PDE1A: variants seen among roughly 807,000 people sequenced by gnomAD.
PDE1A encodes the protein dual specificity calcium/calmodulin-dependent 3',5'-cyclic nucleotide phosphodiesterase 1A.
PDE1A carries 35 observed loss-of-function variants against 61.7 expected under a neutral mutation model. The ratio of observed to expected loss-of-function variants is 0.57; its 90% CI spans 0.43 to 0.75. The LOEUF is 0.75. PDE1A is among the 30% of genes least tolerant of loss of function. The probability of loss-of-function intolerance (pLI) is 0.00; values close to 1 mark genes in which losing one functional copy is unlikely to be tolerated. For synonymous variants in PDE1A, 232 were observed against 213.2 expected, an observed-to-expected ratio of 1.09 and a Z score of -0.77; for missense variants, 597 against 630.6, an observed-to-expected ratio of 0.95 and a Z score of 0.57.
At chr2:182,699,756 T>C in the PDE1A span, among the ~76,000 whole-genome samples, 1 of 152,244 alleles carries the variant, frequency 6.6e-6, no homozygotes, top group Non-Finnish European at 1.5e-5. Context: ...ATTTGTTGAA[T>C]GCTTACTGTG....
the PDE1A span, among the ~76,000 whole-genome samples, chr2:182,644,291 G>GTGTGTGTGTC: frequency 6.7e-6 from 1 of 148,856 alleles, no homozygotes. Flanking sequence ...GTGTGTGTGT[G>GTGTGTGTGTC]TGTGTGTGTC....
upstream of PDE1A, among the ~76,000 whole-genome samples, chr2:182,428,482 T>C (rs1024022225): frequency 5.3e-5 from 8 of 152,106 alleles, no homozygotes; most frequent in African/African-American, 1.9e-4. Context: ...AGATATTACA[T>C]AGTTATGTAG....
intron 2 of PDE1A, among the ~76,000 whole-genome samples, chr2:182,463,009 G>C (rs1686408333): frequency 6.6e-6 from 1 of 152,120 alleles, no homozygotes; most frequent in Non-Finnish European, 1.5e-5. Flanking sequence ...GGGAGGCCAA[G>C]GCAGGAGGAT....
chr2:182,295,085 T>TTTTTTTTTTTTTTTAA (rs1574276882), intron 1 of PDE1A, among the ~76,000 whole-genome samples: 1 of 134,432 alleles, frequency 7.4e-6, no homozygotes, highest in Non-Finnish European at 1.6e-5. Context: ...TTTTTTTTTT[T>TTTTTTTTTTTTTTTAA]GAGATGGAGT....
intron 13 of PDE1A, among the ~76,000 whole-genome samples, chr2:182,149,678 T>TA (rs1377169800): frequency 1.3e-5 from 2 of 152,136 alleles, no homozygotes; most frequent in South Asian, 2.1e-4. Flanking sequence ...TAGTACTTCA[T>TA]AAAAAAAGAA....
intron 13 of PDE1A, among the ~76,000 whole-genome samples, chr2:182,171,358 C>T (rs1356693942): frequency 2.6e-5 from 4 of 151,972 alleles, no homozygotes; most frequent in East Asian, 3.9e-4. Flanking sequence ...ATGTATGGTA[C>T]GTGATTTTTG....
At chr2:182,366,391 G>A (rs933454226) in intron 1 of PDE1A, among the ~76,000 whole-genome samples, 16 of 152,004 alleles carry the variant, frequency 1.1e-4, no homozygotes, top group African/African-American at 3.9e-4. Context: ...TGTTAGAGCT[G>A]GATCAAAAAT....
chr2:182,275,296 G>A (rs1693326138), intron 1 of PDE1A, among the ~76,000 whole-genome samples: 1 of 152,056 alleles, frequency 6.6e-6, no homozygotes, highest in Admixed American at 6.6e-5. Flanking sequence ...CAGAGAGGGA[G>A]AGGAATGCCC....
chr2:182,151,402 GC>G (rs1426889799), intron 13 of PDE1A, among the ~76,000 whole-genome samples: 2 of 152,050 alleles, frequency 1.3e-5, no homozygotes, highest in African/African-American at 4.8e-5. Flanking sequence ...ACCACGCCCT[GC>G]CCCCCTCACA....
At chr2:182,158,844 C>T (rs578115814) in intron 13 of PDE1A, among the ~76,000 whole-genome samples, 1 of 152,272 alleles carries the variant, frequency 6.6e-6, no homozygotes, top group African/African-American at 2.4e-5. Flanking sequence ...CTTTTCCTTT[C>T]CTTTTCACTT....
At chr2:182,474,883 G>A (rs1687255667) in intron 2 of PDE1A, among the ~76,000 whole-genome samples, 1 of 151,720 alleles carries the variant, frequency 6.6e-6, no homozygotes, top group Admixed American at 6.6e-5. Flanking sequence ...TAGAAAACTG[G>A]GCTAAGACAT....
the PDE1A span, among the ~76,000 whole-genome samples, chr2:182,587,210 A>T: frequency 1.3e-5 from 2 of 152,114 alleles, no homozygotes; most frequent in Non-Finnish European, 2.9e-5. Context: ...CATATTAAGG[A>T]GTTTGACTTT....
intron 2 of PDE1A, among the ~76,000 whole-genome samples, chr2:182,512,556 C>G (rs939918165): frequency 1.3e-5 from 2 of 152,168 alleles, no homozygotes; most frequent in African/African-American, 2.4e-5. Flanking sequence ...TCTTTTACCT[C>G]CAAATGACCA....
intron 1 of PDE1A, among the ~76,000 whole-genome samples, chr2:182,410,401 C>T (rs904788552): frequency 7.9e-5 from 12 of 151,950 alleles, no homozygotes; most frequent in African/African-American, 2.7e-4. Context: ...AGAAAATGTA[C>T]CTACAGTTTG....
rs113944899 is a variant in PDE1A at position 182,465,068 on chromosome 2, C to T, written c.101+57208G>A. On this transcript the variant is annotated intron_variant, in intron 2 of 14. Coordinates refer to the PDE1A transcript ENST00000410103. ...CTCTATTTTGTTAATTTGACATTGC[C>T]TCAGTTTTTTTAATTTGACTTAATC... is the stretch of plus-strand genomic sequence containing the variant. Among the ~76,000 whole-genome samples the T allele has an allele frequency of 3.5e-3, 533 of 151,950 alleles. 1 individual carries two copies. Among genetic ancestry groups the T allele is most frequent in the South Asian group, 6.7e-3 (32 of 4,802 alleles).
chr2:182,714,055 C>T, the PDE1A span, among the ~76,000 whole-genome samples: 2 of 152,190 alleles, frequency 1.3e-5, no homozygotes, highest in African/African-American at 4.8e-5. Context: ...GTTCCTTTTG[C>T]CCATCTCTGA....
rs530395439 is a variant in PDE1A at position 182,473,106 on chromosome 2, T to C, written c.101+49170A>G. Reference sequence around the variant, plus strand: ...TAGCATTAGGTATATCTCCTAATGCTATCCCTCCCCCCTCAACCCCACAAG... The same window carrying C: ...TAGCATTAGGTATATCTCCTAATGCCATCCCTCCCCCCTCAACCCCACAAG... On this transcript the variant is annotated intron_variant, in intron 2 of 14. Transcript: ENST00000410103. Among the ~76,000 whole-genome samples the C allele has an allele frequency of 3.3e-5, 5 of 151,916 alleles. No homozygotes were observed. The East Asian group carries it at 7.8e-4, about 24-fold the overall frequency.
intron 2 of PDE1A, among the ~76,000 whole-genome samples, chr2:182,438,209 G>A (rs1025569002): frequency 5.9e-5 from 9 of 151,884 alleles, no homozygotes; most frequent in Admixed American, 4.6e-4. Context: ...CTCATAATAT[G>A]AGCATTTCAT....
intron 2 of PDE1A, among the ~76,000 whole-genome samples, chr2:182,241,360 C>T (rs962549942): frequency 6.6e-6 from 1 of 152,198 alleles, no homozygotes; most frequent in African/African-American, 2.4e-5. Context: ...TGGGTTTCAT[C>T]TGCTTTTGAA....
Sources: gnomAD v4.1 joint callset for allele counts (sites outside exome capture counted in the v4.1 genomes callset) on GRCh38, gnomAD v4.1.1 for gene constraint, MANE v1.5 for transcripts, NCBI Gene and HGNC (gene_info 2026-07-23, HGNC 2026-07-21) for gene names.